Variants in LOXHD1 observed in about 807,000 individuals in gnomAD.
The protein encoded by LOXHD1 is lipoxygenase homology PLAT domains 1.
LOXHD1 carries 205 observed loss-of-function variants against 248.2 expected under a neutral mutation model. The ratio of observed to expected loss-of-function variants is 0.83; its 90% CI spans 0.74 to 0.93. LOXHD1 has a LOEUF of 0.93. LOXHD1 is among the 40% of genes least tolerant of loss of function. The pLI is 0.00. For synonymous variants in LOXHD1, 1,113 were observed against 1,162.8 expected (o/e 0.96, Z 0.87); for missense variants, 2,930 against 2,971.6 (o/e 0.99, Z 0.33).
At chr18:46,620,035 G>A (rs2058468922) in intron 4 of LOXHD1, among the ~76,000 whole-genome samples, 1 of 152,184 alleles carries the variant, frequency 6.6e-6, no homozygotes, top group Non-Finnish European at 1.5e-5. Context: ...GCCACACTCA[G>A]GTTACCTGGC....
At position 46,591,939 on chromosome 18, in the gene LOXHD1, T is replaced by C. The variant is rs2038176995; in HGVS notation, c.1648A>G (p.Met550Val). ...AGAGCCTGTCAGTACTTACTGCCCA[T>C]GATCCTGCGCACTGTTGGGCCTTCT... Reference protein sequence around the residue: ...TAEGPTVRRIMGMARYHVTVC... With the variant: ...TAEGPTVRRIVGMARYHVTVC... The change falls in exon 12 of 41, where the codon ATG (methionine) becomes GTG (valine). Residue 550 changes from methionine (M) to valine (V), a missense_variant. Coordinates refer to ENST00000642948, the MANE Select transcript of LOXHD1 (RefSeq NM_001384474.1). The C allele has an allele frequency of 6.4e-6, 10 of 1,551,822 alleles. No homozygotes were observed. Among genetic ancestry groups the C allele is most frequent in the Admixed American group, 2.0e-5 (1 of 51,006 alleles).
At chr18:46,560,048 TCCCTCCCCACC>T in intron 19 of LOXHD1, 24 bp downstream of exon 19, 2 of 1,226,292 alleles carry the variant, frequency 1.6e-6, no homozygotes, top group Non-Finnish European at 2.3e-6. Flanking sequence ...GTCTGGCCAC[TCCCTCCCCACC>T]CCCACCCCCC....
At chr18:46,528,909 C>A (rs2035939337) in intron 29 of LOXHD1, among the ~76,000 whole-genome samples, 1 of 152,142 alleles carries the variant, frequency 6.6e-6, no homozygotes, top group Non-Finnish European at 1.5e-5. Context: ...ATCCAGCCAA[C>A]AACCTCGAGC....
At chr18:46,481,294 G>A (rs932858016) in intron 40 of LOXHD1, among the ~76,000 whole-genome samples, 5 of 151,952 alleles carry the variant, frequency 3.3e-5, no homozygotes, top group South Asian at 2.1e-4. Context: ...TTCTGCAGGC[G>A]ACAGGTTTTC....
chr18:46,533,383 G>C, intron 27 of LOXHD1, 59 bp from the exon 28 acceptor site: 1 of 1,532,622 alleles, frequency 6.5e-7, no homozygotes, highest in Non-Finnish European at 8.8e-7. Context: ...CAACTTCAGG[G>C]ATTCATCAGC....
rs1482302460 is a variant in LOXHD1 at position 46,592,008 on chromosome 18, C to T, written c.1579G>A (p.Asp527Asn). 7.1e-6 allele frequency: 11 copies of T among 1,552,108 alleles called. No homozygotes were observed. The highest frequency in any genetic ancestry group is 7.8e-6 in the Non-Finnish European group (9 of 1,147,096). Reference sequence around the variant, plus strand: ...ATCTCATTGTCATCCTCATTGGCATCCAGCCAGCGGTTGCAATTGAAGTTG... The same window carrying T: ...ATCTCATTGTCATCCTCATTGGCATTCAGCCAGCGGTTGCAATTGAAGTTG... ...KYNFNCNRWLDANEDDNEIVR... is the reference protein window; with the variant it reads ...KYNFNCNRWLNANEDDNEIVR... Residue 527 changes from aspartate (D) to asparagine (N), a missense_variant, in exon 12 of 41, where the codon GAT becomes AAT. Physicochemically the swap from Asp to Asn is conservative, Grantham distance 23. Coordinates refer to ENST00000642948, the MANE Select transcript of LOXHD1 (RefSeq NM_001384474.1).
intron 35 of LOXHD1, among the ~76,000 whole-genome samples, chr18:46,509,073 T>G (rs2034778826): frequency 2.0e-5 from 3 of 152,126 alleles, no homozygotes; most frequent in Admixed American, 6.5e-5. Context: ...TGTGTGCATA[T>G]GTGCCCATGC....
At chr18:46,515,392 G>C (rs911977603) in intron 34 of LOXHD1, among the ~76,000 whole-genome samples, 2 of 152,060 alleles carry the variant, frequency 1.3e-5, no homozygotes, top group African/African-American at 2.4e-5. Flanking sequence ...AACATGTCTC[G>C]GGTAACAGCC....
intron 21 of LOXHD1, among the ~76,000 whole-genome samples, chr18:46,554,879 A>T (rs1656747096): frequency 6.6e-6 from 1 of 152,248 alleles, no homozygotes; most frequent in African/African-American, 2.4e-5. Context: ...GGAGGGTAGC[A>T]CTTATTCTAA....
At chr18:46,493,873 C>G (rs1393539832) in intron 37 of LOXHD1, among the ~76,000 whole-genome samples, 1 of 152,188 alleles carries the variant, frequency 6.6e-6, no homozygotes, top group Non-Finnish European at 1.5e-5. Flanking sequence ...ATATTTAGGG[C>G]CTTCTTCAGC....
intron 33 of LOXHD1, chr18:46,519,009 C>T: frequency 3.0e-6 from 3 of 985,528 alleles, no homozygotes; most frequent in Non-Finnish European, 3.6e-6. Context: ...TCTGTCTCCA[C>T]TGGAGGGTGA....
In LOXHD1 at chr18:46,477,535, G is replaced by T. The variant is rs781010836; in HGVS notation, c.6759C>A (p.Gly2253=). 6.4e-7 allele frequency: 1 copy of T among 1,551,528 alleles called. No homozygotes were observed. The highest frequency in any genetic ancestry group is 1.2e-5 in the South Asian group (1 of 84,056). Residue 2253 remains glycine (G), a synonymous_variant, in exon 41 of 41, where the codon GGC becomes GGA. Coordinates refer to ENST00000642948, the MANE Select transcript of LOXHD1 (RefSeq NM_001384474.1). ...STGVATIFNC[G]RWLDKKRGDG... ...CCCCCCGCTTCTTGTCCAGCCACCT[G>T]CCACAGTTGAAGATGGTGGCCACGC...
In LOXHD1 at chr18:46,598,057, G is replaced by A. The variant is rs555846469; in HGVS notation, c.1134+3160C>T. Among the ~76,000 whole-genome samples the A allele has an allele frequency of 5.3e-5, 8 of 151,826 alleles. No individual in the cohort carries two copies. In the South Asian group the frequency reaches 1.7e-3, roughly 32 times the overall value. ...GCTGGGATTACAAGATTGAACCACT[G>A]CGCCCGGCCAGAAAAATTCTATATT... is the stretch of plus-strand genomic sequence containing the variant. On this transcript the variant is annotated intron_variant, in intron 8 of 40. Transcript: ENST00000642948.
chr18:46,618,167 G>A, intron 5 of LOXHD1, 25 bp downstream of exon 5: 1 of 1,520,814 alleles, frequency 6.6e-7, no homozygotes. Context: ...CTTGGCTTAT[G>A]AAAAAAATAA....
chr18:46,477,237 AG>A, downstream of LOXHD1: 1 of 739,030 alleles, frequency 1.4e-6, no homozygotes, highest in Non-Finnish European at 2.5e-6. Context: ...TTACAGAAAA[AG>A]GAAATACAAA....
At chr18:46,624,491 G>A (rs967955640) in intron 4 of LOXHD1, among the ~76,000 whole-genome samples, 2 of 152,136 alleles carry the variant, frequency 1.3e-5, no homozygotes, top group South Asian at 2.1e-4. Context: ...CATGGCCACC[G>A]ACCAATGGAT....
intron 6 of LOXHD1, among the ~76,000 whole-genome samples, chr18:46,608,868 G>C (rs1177769558): frequency 3.3e-5 from 5 of 152,172 alleles, no homozygotes; most frequent in African/African-American, 1.2e-4. Flanking sequence ...TATGAAAACA[G>C]GTATGGCCAT....
At chr18:46,516,078 CTTG>C (rs952123880) in intron 34 of LOXHD1, among the ~76,000 whole-genome samples, 14 of 152,218 alleles carry the variant, frequency 9.2e-5, no homozygotes, top group Admixed American at 7.2e-4. Context: ...AACTGAGTCT[CTTG>C]TTGTAGCAAG....
At position 46,489,126 on chromosome 18, in the gene LOXHD1, C is replaced by T; in HGVS notation, c.5895G>A (p.Trp1965Ter). Residue 1965 changes from tryptophan to a stop codon, truncating the protein, a stop_gained, in exon 38 of 41, where the codon TGG becomes TGA. Coordinates refer to ENST00000642948, the MANE Select transcript of LOXHD1 (RefSeq NM_001384474.1). LOFTEE classifies it high-confidence loss of function. ...CCTTCACATCGACATAGCTCAGATG[C>T]CAGCCAGGAAATATCCCTGTGGAAA... ...WHDNKGIFPG[W>*]HLSYVDVKDN... is the part of the protein sequence containing the mutation. The T allele has an allele frequency of 1.3e-6, 2 of 1,551,664 alleles. No homozygotes were observed. The highest frequency in any genetic ancestry group is 1.7e-6 in the Non-Finnish European group (2 of 1,146,996).
Sources: allele counts gnomAD v4.1 joint callset (sites outside exome capture counted in the v4.1 genomes callset), GRCh38; gene constraint gnomAD v4.1.1; transcripts MANE v1.5; gene names NCBI Gene and HGNC (gene_info 2026-07-23, HGNC 2026-07-21).